SPATS2: variants seen among roughly 807,000 people sequenced by gnomAD.
SPATS2 encodes the protein spermatogenesis associated serine rich 2, also known as spermatogenesis-associated serine-rich protein 2.
A neutral mutation model predicts 63.7 loss-of-function variants in SPATS2; 38 were observed. The observed-to-expected ratio is 0.60, with a 90% CI of 0.46 to 0.78. SPATS2 has a LOEUF of 0.78. Among genes scored for constraint, SPATS2 ranks in the 30% least tolerant of loss-of-function variants. The pLI is 0.00. For missense variants in SPATS2, 588 were observed against 666.2 expected (o/e 0.88, Z 1.29); for synonymous variants, 207 against 232.9 (o/e 0.89, Z 1.01).
At chr12:49,385,287 A>C (rs1360523796) in intron 2 of SPATS2, among the ~76,000 whole-genome samples, 4 of 151,504 alleles carry the variant, frequency 2.6e-5, no homozygotes, top group Admixed American at 1.3e-4. Context: ...TTTCAAAAAA[A>C]AAAAACAAAA....
rs377473987 is a variant in SPATS2 at position 49,445,056 on chromosome 12, G to T, written c.-243-15714G>T. Among the ~76,000 whole-genome samples the T allele has an allele frequency of 4.7e-4, 72 of 152,236 alleles. No individual in the cohort carries two copies. In the South Asian group the frequency reaches 0.012, roughly 26 times the overall value. On this transcript the variant is annotated intron_variant, in intron 2 of 13. Transcript: ENST00000552918. The stretch of plus-strand genomic sequence containing the variant: ...TCATATTATCTTTGAATAAAAACAT[G>T]TTACTTCTTCCTTTCCAATTGTGAT...
intron 2 of SPATS2, among the ~76,000 whole-genome samples, chr12:49,408,118 A>G (rs1213552793): frequency 6.6e-6 from 1 of 152,224 alleles, no homozygotes; most frequent in Non-Finnish European, 1.5e-5. Context: ...AAAATCAAGG[A>G]TAATTTGGGA....
intron 8 of SPATS2, among the ~76,000 whole-genome samples, chr12:49,497,740 A>T (rs889701595): frequency 2.6e-5 from 4 of 151,938 alleles, no homozygotes; most frequent in African/African-American, 9.7e-5. Flanking sequence ...TCATAACTTC[A>T]TGCTCTTACT....
At chr12:49,367,438 A>C (rs1943917661), upstream of SPATS2, 6 of 392,666 alleles carry the variant, frequency 1.5e-5, no homozygotes, top group Non-Finnish European at 2.2e-5. Context: ...TCCGGCTCTG[A>C]GAGAGCTGGG....
intron 2 of SPATS2, among the ~76,000 whole-genome samples, chr12:49,374,115 ATATGT>A (rs1175045960): frequency 6.6e-6 from 1 of 151,964 alleles, no homozygotes; most frequent in African/African-American, 2.4e-5. Flanking sequence ...AAGTTTATAA[ATATGT>A]TATTATTTTT....
At chr12:49,403,837 G>C (rs1200813481) in intron 2 of SPATS2, among the ~76,000 whole-genome samples, 1 of 152,140 alleles carries the variant, frequency 6.6e-6, no homozygotes, top group Non-Finnish European at 1.5e-5. Flanking sequence ...ATTAGCTTTA[G>C]ATTCCTTAAA....
intron 2 of SPATS2, among the ~76,000 whole-genome samples, chr12:49,453,018 A>G (rs1945651431): frequency 6.6e-6 from 1 of 151,926 alleles, no homozygotes; most frequent in Non-Finnish European, 1.5e-5. Flanking sequence ...AATTAGCCGG[A>G]CGTGATGGCG....
intron 7 of SPATS2, 115 bp from the exon 8 acceptor site, chr12:49,496,718 C>CT: frequency 9.7e-7 from 1 of 1,033,710 alleles, no homozygotes; most frequent in South Asian, 1.6e-5. Flanking sequence ...TGTTTACAGT[C>CT]TTTTAAGAGG....
At chr12:49,387,042 G>A (rs909073065) in intron 2 of SPATS2, 1 of 152,170 alleles carries the variant, frequency 6.6e-6, no homozygotes, top group Non-Finnish European at 1.5e-5. Context: ...GTAAGGTTTT[G>A]TGTTTTTTTA....
intron 2 of SPATS2, among the ~76,000 whole-genome samples, chr12:49,401,810 G>T (rs373007949): frequency 1.6e-4 from 25 of 151,760 alleles, no homozygotes; most frequent in African/African-American, 5.8e-4. Flanking sequence ...CGATTCTTCT[G>T]CCTCAGCCTC....
At chr12:49,370,591 G>T (rs1306292407) in intron 1 of SPATS2, among the ~76,000 whole-genome samples, 1 of 152,212 alleles carries the variant, frequency 6.6e-6, no homozygotes, top group Non-Finnish European at 1.5e-5. Flanking sequence ...GAGGATGACA[G>T]TGAAGCTTGC....
chr12:49,442,185 G>A (rs1228350583), intron 2 of SPATS2, among the ~76,000 whole-genome samples: 2 of 152,108 alleles, frequency 1.3e-5, no homozygotes, highest in Non-Finnish European at 2.9e-5. Context: ...ATTATCTTCT[G>A]TTGTACCAAA....
At chr12:49,389,643 C>T in intron 2 of SPATS2, 1 of 1,256,146 alleles carries the variant, frequency 8.0e-7, no homozygotes, top group East Asian at 2.3e-5. Context: ...GTAGAAGCCA[C>T]GAAGCAGTAT....
chr12:49,500,264 A>G (rs1946542653), intron 9 of SPATS2, 59 bp downstream of exon 9: 2 of 1,506,728 alleles, frequency 1.3e-6, no homozygotes, highest in East Asian at 4.8e-5. Flanking sequence ...AAATATAAAG[A>G]TGGTCAGCCA....
At chr12:49,421,147 C>T (rs1243686339) in intron 2 of SPATS2, among the ~76,000 whole-genome samples, 2 of 152,030 alleles carry the variant, frequency 1.3e-5, no homozygotes, top group Admixed American at 6.5e-5. Flanking sequence ...TGGCCGGGTG[C>T]GGTGGCTAAC....
chr12:49,421,703 C>A (rs994316051), intron 2 of SPATS2, among the ~76,000 whole-genome samples: 9 of 152,120 alleles, frequency 5.9e-5, no homozygotes, highest in Non-Finnish European at 1.3e-4. Flanking sequence ...AGGGCCTATT[C>A]ATTTAAATAA....
intron 2 of SPATS2, among the ~76,000 whole-genome samples, chr12:49,431,489 C>A (rs1279688532): frequency 6.6e-6 from 1 of 152,136 alleles, no homozygotes; most frequent in Non-Finnish European, 1.5e-5. Flanking sequence ...ACCTTGTGAT[C>A]TGCCCGCCTC....
At chr12:49,449,748 C>T (rs557033173) in intron 2 of SPATS2, among the ~76,000 whole-genome samples, 92 of 152,266 alleles carry the variant, frequency 6.0e-4, no homozygotes, top group African/African-American at 2.1e-3. Context: ...TCTCTTGAGA[C>T]TTATTCACTA....
chr12:49,489,627 C>A, intron 5 of SPATS2, 54 bp downstream of exon 5: 1 of 1,493,754 alleles, frequency 6.7e-7, no homozygotes. Context: ...ATAGAATTTG[C>A]TTCAGACTTT....
Sources: gnomAD v4.1 joint callset for allele counts (sites outside exome capture counted in the v4.1 genomes callset) on GRCh38, gnomAD v4.1.1 for gene constraint, MANE v1.5 for transcripts, NCBI Gene and HGNC (gene_info 2026-07-23, HGNC 2026-07-21) for gene names.